MBD5: variants seen among roughly 807,000 people sequenced by gnomAD.
The protein encoded by MBD5 is methyl-CpG binding domain protein 5.
Under a neutral mutation model 117.3 loss-of-function variants are expected in MBD5, and 13 were observed. That is an observed-to-expected ratio of 0.11 (90% CI 0.07 to 0.18). The LOEUF is 0.18. Among genes scored for constraint, MBD5 ranks in the 10% least tolerant of loss-of-function variants. MBD5 has a pLI of 1.00. For missense variants in MBD5, 1,879 were observed against 2,093.8 expected, an observed-to-expected ratio of 0.90 and a Z score of 2.00; for synonymous variants, 727 against 766.4, an observed-to-expected ratio of 0.95 and a Z score of 0.85.
chr2:148,334,828 A>G (rs1702746432), intron 3 of MBD5, among the ~76,000 whole-genome samples: 1 of 152,120 alleles, frequency 6.6e-6, no homozygotes. Context: ...TGAAATGCCA[A>G]TATCTATGTG....
In MBD5 at chr2:148,516,358, TG is replaced by T. The variant is rs889476657; in HGVS notation, c.*3418del. The stretch of plus-strand genomic sequence containing the variant: ...AAAAGAAAGACAAAATACTAGACCT[TG>T]CTGAAAATTGGATATCTTATTTACT... On this transcript the variant is annotated 3_prime_UTR_variant, in exon 14 of 14. Transcript: ENST00000642680. 2.6e-5 allele frequency: 4 copies of T among 152,202 alleles called. No homozygotes were observed. Among genetic ancestry groups the T allele is most frequent in the Non-Finnish European group, 5.9e-5 (4 of 68,028 alleles). The allele number at this position is 152,202 out of a possible 1,614,324, so 9.4% of individuals were successfully genotyped here. A position where few individuals can be genotyped will look rare whatever the true frequency, so the allele number is the denominator to read the frequency against.
intron 8 of MBD5, among the ~76,000 whole-genome samples, chr2:148,476,305 A>G (rs1023149053): frequency 2.6e-5 from 4 of 152,188 alleles, no homozygotes; most frequent in African/African-American, 9.7e-5. Flanking sequence ...AGCTTTTTAA[A>G]ATTCTTCCCA....
chr2:148,167,335 T>C (rs1299794155), intron 1 of MBD5, among the ~76,000 whole-genome samples: 1 of 152,196 alleles, frequency 6.6e-6, no homozygotes, highest in Non-Finnish European at 1.5e-5. Flanking sequence ...TAAACTTACA[T>C]GATTTCCTTC....
chr2:148,075,135 G>T (rs547915363), intron 1 of MBD5, among the ~76,000 whole-genome samples: 2 of 152,286 alleles, frequency 1.3e-5, no homozygotes, highest in South Asian at 2.1e-4. Flanking sequence ...AAGCAGCCCA[G>T]AATAGAATAA....
intron 2 of MBD5, among the ~76,000 whole-genome samples, chr2:148,206,137 AT>A (rs1377536604): frequency 9.9e-5 from 15 of 151,662 alleles, no homozygotes; most frequent in African/African-American, 2.9e-4. Context: ...AAAAAAAAAA[AT>A]AGAGAGACAC....
intron 4 of MBD5, among the ~76,000 whole-genome samples, chr2:148,369,738 A>G (rs997088238): frequency 2.6e-5 from 4 of 152,120 alleles, no homozygotes; most frequent in African/African-American, 7.2e-5. Context: ...TGTTCAAATC[A>G]ATAAAATTAT....
chr2:148,103,001 C>CA (rs1414320645), intron 1 of MBD5, among the ~76,000 whole-genome samples: 2 of 151,750 alleles, frequency 1.3e-5, no homozygotes, highest in East Asian at 3.9e-4. Context: ...TCTAACTCAC[C>CA]AAGAAAAGAT....
chr2:148,493,033 G>A (rs904675628), intron 11 of MBD5, among the ~76,000 whole-genome samples: 6 of 152,146 alleles, frequency 3.9e-5, no homozygotes, highest in African/African-American at 1.4e-4. Flanking sequence ...AGAAAGGTAA[G>A]CATTGCCTTA....
chr2:148,339,954 G>A (rs1044084046), intron 3 of MBD5, among the ~76,000 whole-genome samples: 1 of 151,914 alleles, frequency 6.6e-6, no homozygotes, highest in African/African-American at 2.4e-5. Flanking sequence ...AATTTCCAGG[G>A]TTCAGATTTT....
At chr2:148,089,737 ACT>A (rs1695887687) in intron 1 of MBD5, among the ~76,000 whole-genome samples, 2 of 152,038 alleles carry the variant, frequency 1.3e-5, no homozygotes, top group South Asian at 4.1e-4. Flanking sequence ...TACATGAAAA[ACT>A]CTGAAAGAGC....
chr2:148,320,669 T>A (rs977221072), intron 3 of MBD5, among the ~76,000 whole-genome samples: 2 of 152,186 alleles, frequency 1.3e-5, no homozygotes, highest in African/African-American at 4.8e-5. Flanking sequence ...TTGGGACATT[T>A]TTTTATTTAC....
chr2:148,033,060 G>C (rs1694086910), intron 1 of MBD5, among the ~76,000 whole-genome samples: 1 of 152,110 alleles, frequency 6.6e-6, no homozygotes, highest in Non-Finnish European at 1.5e-5. Flanking sequence ...CATTCAGCTG[G>C]ACAGCTTAGA....
At chr2:148,050,566 A>G (rs1004261845) in intron 1 of MBD5, among the ~76,000 whole-genome samples, 2 of 152,062 alleles carry the variant, frequency 1.3e-5, no homozygotes, top group African/African-American at 2.4e-5. Flanking sequence ...TTGTCTCAAT[A>G]ATTTTTTTCT....
chr2:148,323,313 C>T (rs1702341677), intron 3 of MBD5, among the ~76,000 whole-genome samples: 1 of 152,048 alleles, frequency 6.6e-6, no homozygotes, highest in African/African-American at 2.4e-5. Context: ...CATATGTGTG[C>T]ATGTGTCTTT....
intron 1 of MBD5, among the ~76,000 whole-genome samples, chr2:148,080,293 T>A (rs1310654507): frequency 6.6e-6 from 1 of 152,216 alleles, no homozygotes; most frequent in Non-Finnish European, 1.5e-5. Flanking sequence ...AAAATTAGTG[T>A]ATATGGAAAT....
At chr2:148,377,960 T>C (rs761890883) in intron 4 of MBD5, among the ~76,000 whole-genome samples, 28 of 152,216 alleles carry the variant, frequency 1.8e-4, no homozygotes, top group Non-Finnish European at 2.8e-4. Flanking sequence ...GTATCCATTT[T>C]GTCTTTGCAT....
chr2:148,165,220 G>A (rs548845973), intron 1 of MBD5, among the ~76,000 whole-genome samples: 1 of 152,122 alleles, frequency 6.6e-6, no homozygotes, highest in East Asian at 1.9e-4. Flanking sequence ...TCTTTTTTAT[G>A]TGGTAGAAAA....
At chr2:148,050,165 AG>A (rs1446061268) in intron 1 of MBD5, among the ~76,000 whole-genome samples, 2 of 152,056 alleles carry the variant, frequency 1.3e-5, no homozygotes, top group African/African-American at 4.8e-5. Flanking sequence ...TTAGCATACG[AG>A]GGTTCCAGTT....
intron 2 of MBD5, among the ~76,000 whole-genome samples, chr2:148,224,172 G>GA (rs1699759091): frequency 1.3e-5 from 2 of 151,944 alleles, no homozygotes; most frequent in African/African-American, 4.8e-5. Context: ...ATGTGCTGAG[G>GA]AAAAAAATGT....
Sources: allele counts gnomAD v4.1 joint callset (sites outside exome capture counted in the v4.1 genomes callset), GRCh38; gene constraint gnomAD v4.1.1; transcripts MANE v1.5; gene names NCBI Gene and HGNC (gene_info 2026-07-23, HGNC 2026-07-21).